The following CSMD1 variants were observed in gnomAD, a reference collection of about 807,000 sequenced individuals.
CSMD1 encodes CUB and sushi domain-containing protein 1.
CSMD1 carries 213 observed loss-of-function variants against 417.5 expected under a neutral mutation model. That is an observed-to-expected ratio of 0.51 (90% CI 0.46 to 0.57). The LOEUF (loss-of-function observed/expected upper bound fraction) is 0.57, where lower values mean the gene tolerates loss of function less well. Among genes scored for constraint, CSMD1 ranks in the 20% least tolerant of loss-of-function variants. The probability of loss-of-function intolerance (pLI) is 0.00; values close to 1 mark genes in which losing one functional copy is unlikely to be tolerated. For synonymous variants in CSMD1, 2,862 were observed against 1,736.8 expected (o/e 1.65, Z -16.11); for missense variants, 6,923 against 4,529.7 (o/e 1.53, Z -15.17).
At chr8:4,064,320 G>T (rs890371793) in intron 3 of CSMD1, among the ~76,000 whole-genome samples, 1 of 152,186 alleles carries the variant, frequency 6.6e-6, no homozygotes, top group Admixed American at 6.5e-5. Context: ...GCTCCATATG[G>T]TGTTTCATAG....
chr8:4,078,551 A>G (rs1563094520), intron 3 of CSMD1, among the ~76,000 whole-genome samples: 1 of 151,810 alleles, frequency 6.6e-6, no homozygotes, highest in Non-Finnish European at 1.5e-5. Context: ...GGGGTGAGCC[A>G]CTGCGCCCGG....
intron 26 of CSMD1, among the ~76,000 whole-genome samples, chr8:3,267,837 T>C (rs149828144): frequency 2.7e-4 from 41 of 152,138 alleles, no homozygotes; most frequent in Admixed American, 1.7e-3. Context: ...GGCCAACCAT[T>C]GACGGGATGT....
chr8:3,308,533 G>T (rs762027503), intron 23 of CSMD1, 30 bp from the exon 24 acceptor site: 1 of 1,566,420 alleles, frequency 6.4e-7, no homozygotes, highest in South Asian at 1.1e-5. Context: ...GGAATGAACA[G>T]AACTCAAGGG....
intron 21 of CSMD1, among the ~76,000 whole-genome samples, chr8:3,351,809 TACTC>T (rs928514177): frequency 4.7e-5 from 7 of 150,186 alleles, no homozygotes; most frequent in Non-Finnish European, 7.4e-5. Flanking sequence ...ATACAATGTG[TACTC>T]ACTATTTAAT....
intron 50 of CSMD1, among the ~76,000 whole-genome samples, chr8:3,037,291 C>T (rs1244580572): frequency 5.2e-5 from 5 of 95,962 alleles, no homozygotes; most frequent in South Asian, 5.4e-4. Context: ...CTGCAAGCTC[C>T]GCCTCCTGGG....
At chr8:4,018,674 G>A (rs1455416580) in intron 4 of CSMD1, among the ~76,000 whole-genome samples, 1 of 152,174 alleles carries the variant, frequency 6.6e-6, no homozygotes, top group African/African-American at 2.4e-5. Context: ...TGTAATATTT[G>A]TTTCTCAATT....
intron 1 of CSMD1, among the ~76,000 whole-genome samples, chr8:4,793,367 G>T (rs1000494285): frequency 3.9e-5 from 6 of 152,022 alleles, no homozygotes; most frequent in African/African-American, 1.2e-4. Flanking sequence ...ATATCATTTT[G>T]AAACATAGAA....
intron 2 of CSMD1, among the ~76,000 whole-genome samples, chr8:4,428,822 G>C (rs886471775): frequency 3.3e-5 from 5 of 151,942 alleles, no homozygotes; most frequent in Admixed American, 2.0e-4. Context: ...CAGGTTGAAG[G>C]ATTCTCCTGC....
intron 10 of CSMD1, among the ~76,000 whole-genome samples, chr8:3,551,639 G>A (rs953168524): frequency 3.0e-5 from 4 of 134,908 alleles, no homozygotes; most frequent in Admixed American, 8.1e-5. Flanking sequence ...TGTTCTTTCC[G>A]GTGCTCATTT....
intron 3 of CSMD1, among the ~76,000 whole-genome samples, chr8:4,137,934 G>A (rs962828574): frequency 1.3e-5 from 2 of 151,504 alleles, no homozygotes; most frequent in African/African-American, 4.9e-5. Flanking sequence ...TTGGAGTGCA[G>A]TGGCGCAATC....
intron 36 of CSMD1, among the ~76,000 whole-genome samples, chr8:3,186,047 A>T (rs1280357582): frequency 6.6e-6 from 1 of 152,108 alleles, no homozygotes; most frequent in African/African-American, 2.4e-5. Flanking sequence ...TAAAAAAAAA[A>T]AAAGTGTGAC....
rs530618332 is a variant in CSMD1 at position 4,636,814 on chromosome 8, C to G, written c.302+528G>C. On this transcript the variant is annotated intron_variant, in intron 2 of 69. Transcript: ENST00000635120. ...TCTTTTCTGGTAATGAGGGGTGAAG[C>G]CAGCTGGACTTCTTGCATTGAGTGG... 2.4e-3 allele frequency among the ~76,000 whole-genome samples: 362 copies of G among 152,230 alleles called. 3 individuals carry two copies. The highest frequency in any genetic ancestry group is 8.5e-3 in the African/African-American group (353 of 41,536).
chr8:3,243,239 C>A (rs1554481720), intron 26 of CSMD1, among the ~76,000 whole-genome samples: 1 of 152,030 alleles, frequency 6.6e-6, no homozygotes, highest in Non-Finnish European at 1.5e-5. Flanking sequence ...GTAGGTGGAT[C>A]TTTTTCACGG....
At chr8:3,268,047 C>T (rs1801559066) in intron 26 of CSMD1, among the ~76,000 whole-genome samples, 1 of 152,018 alleles carries the variant, frequency 6.6e-6, no homozygotes, top group Non-Finnish European at 1.5e-5. Flanking sequence ...GAGGGACGGG[C>T]CAATCTTTGC....
intron 1 of CSMD1, among the ~76,000 whole-genome samples, chr8:4,697,327 C>G (rs913199224): frequency 6.6e-6 from 1 of 152,098 alleles, no homozygotes; most frequent in Admixed American, 6.5e-5. Context: ...GCCCTTCTCA[C>G]CAAAAGTTGC....
chr8:4,895,458 T>G (rs1409906772), intron 1 of CSMD1, among the ~76,000 whole-genome samples: 1 of 152,170 alleles, frequency 6.6e-6, no homozygotes, highest in Non-Finnish European at 1.5e-5. Flanking sequence ...ATTGTTATTC[T>G]GCTTTATCAT....
intron 49 of CSMD1, among the ~76,000 whole-genome samples, chr8:3,067,319 C>T (rs1025067471): frequency 6.6e-6 from 1 of 152,272 alleles, no homozygotes; most frequent in Admixed American, 6.5e-5. Flanking sequence ...GCCTCAAATG[C>T]CCATCTTTTG....
At chr8:4,911,249 C>G (rs1228852171) in intron 1 of CSMD1, among the ~76,000 whole-genome samples, 2 of 152,170 alleles carry the variant, frequency 1.3e-5, no homozygotes, top group South Asian at 2.1e-4. Context: ...TTCAAATGAC[C>G]TTTGTCCACC....
At chr8:4,837,091 T>C (rs1355246763) in intron 1 of CSMD1, among the ~76,000 whole-genome samples, 1 of 152,002 alleles carries the variant, frequency 6.6e-6, no homozygotes, top group Non-Finnish European at 1.5e-5. Context: ...TGGTAATTAA[T>C]GAGGGCTTCA....
Sources: gnomAD v4.1 joint callset for allele counts (sites outside exome capture counted in the v4.1 genomes callset) on GRCh38, gnomAD v4.1.1 for gene constraint, MANE v1.5 for transcripts, NCBI Gene and HGNC (gene_info 2026-07-23, HGNC 2026-07-21) for gene names.